NIPBL: variants seen among roughly 807,000 people sequenced by gnomAD.
The protein encoded by NIPBL is nipped-B-like protein.
A neutral mutation model predicts 321.8 loss-of-function variants in NIPBL; 19 were observed. The ratio of observed to expected loss-of-function variants is 0.06; its 90% CI spans 0.04 to 0.09. The LOEUF (loss-of-function observed/expected upper bound fraction) is 0.09. Among genes scored for constraint, NIPBL ranks in the 10% least tolerant of loss-of-function variants. The pLI is 1.00. For synonymous variants in NIPBL, 1,106 were observed against 1,114.1 expected (o/e 0.99, Z 0.14); for missense variants, 2,210 against 3,327.0 (o/e 0.66, Z 8.26).
intron 1 of NIPBL, among the ~76,000 whole-genome samples, chr5:36,883,966 C>G (rs1415022812): frequency 1.3e-5 from 2 of 151,756 alleles, no homozygotes; most frequent in Admixed American, 6.6e-5. Context: ...CTGCGTATAC[C>G]TCAGAAAGCT....
chr5:37,019,546 CA>C (rs1749388354), intron 25 of NIPBL, 146 bp downstream of exon 25: 1 of 676,248 alleles, frequency 1.5e-6, no homozygotes, highest in Admixed American at 2.1e-5. Flanking sequence ...ATAATCTAAA[CA>C]GAAAAGAATG....
chr5:36,987,554 CATATT>C (rs1275926813), intron 10 of NIPBL, among the ~76,000 whole-genome samples: 18 of 152,262 alleles, frequency 1.2e-4, no homozygotes, highest in African/African-American at 2.9e-4. Context: ...TCTTTGAAAA[CATATT>C]ATAAAGAACT....
intron 6 of NIPBL, among the ~76,000 whole-genome samples, chr5:36,968,117 A>G (rs1347348097): frequency 6.6e-6 from 1 of 151,192 alleles, no homozygotes; most frequent in Non-Finnish European, 1.5e-5. Context: ...AAAAACAAAA[A>G]ACAAAAAACG....
Position 37,016,990 on chromosome 5 carries a change from A to G in NIPBL, c.4777-29A>G, listed in dbSNP as rs761239246. The G allele has an allele frequency of 1.1e-4, 161 of 1,434,466 alleles. No homozygotes were observed. In the East Asian group the frequency reaches 3.6e-3, roughly 32 times the overall value. 88.9% of individuals were successfully genotyped at this position (1,434,466 alleles called of 1,614,324 possible). On this transcript the variant is annotated intron_variant, in intron 23 of 46. Coordinates refer to ENST00000282516, the MANE Select transcript of NIPBL (RefSeq NM_133433.4). ...ATTTAAAATATATTGTTATAAATCT[A>G]TTCAATCAAAAACTATTTTGATATT...
chr5:36,943,827 T>C (rs1295874878), intron 1 of NIPBL, among the ~76,000 whole-genome samples: 1 of 152,138 alleles, frequency 6.6e-6, no homozygotes, highest in Non-Finnish European at 1.5e-5. Context: ...TGTGTTGTTC[T>C]GGAAGACAAA....
intron 1 of NIPBL, among the ~76,000 whole-genome samples, chr5:36,945,984 T>C (rs1475919215): frequency 2.6e-5 from 4 of 152,182 alleles, no homozygotes; most frequent in African/African-American, 7.2e-5. Context: ...TGTGTAGCTA[T>C]TTAGCATTTA....
chr5:36,919,043 A>T (rs1253696751), intron 1 of NIPBL, among the ~76,000 whole-genome samples: 1 of 152,122 alleles, frequency 6.6e-6, no homozygotes, highest in Non-Finnish European at 1.5e-5. Flanking sequence ...GCCTCCTAAA[A>T]TAAATTAGGG....
At chr5:36,970,805 T>C (rs1742769286) in intron 6 of NIPBL, 71 bp from the exon 7 acceptor site, 2 of 1,304,204 alleles carry the variant, frequency 1.5e-6, no homozygotes, top group South Asian at 2.5e-5. Flanking sequence ...AAAATATTTG[T>C]GAATAATTAC....
At chr5:36,953,476 T>C (rs1740629035) in intron 1 of NIPBL, 142 bp from the exon 2 acceptor site, 2 of 585,638 alleles carry the variant, frequency 3.4e-6, no homozygotes, top group Non-Finnish European at 6.1e-6. Flanking sequence ...GCTTAACATG[T>C]AATAAGTGGT....
At position 36,937,056 on chromosome 5, in the gene NIPBL, A is replaced by G. The variant is rs985457411; in HGVS notation, c.-79-16562A>G. On this transcript the variant is annotated intron_variant, in intron 1 of 46. Coordinates refer to ENST00000282516, the MANE Select transcript of NIPBL (RefSeq NM_133433.4). ...AAAATATTACCCAGAAGTTTTATCAATTTTTTGGCTTTCAGCTCCTGAAAC... is the reference window on the plus strand; with the variant it reads ...AAAATATTACCCAGAAGTTTTATCAGTTTTTTGGCTTTCAGCTCCTGAAAC... Among the ~76,000 whole-genome samples the G allele has an allele frequency of 2.6e-5, 4 of 152,216 alleles. No homozygotes were observed. The East Asian group carries it at 7.7e-4, about 29-fold the overall frequency.
chr5:36,946,543 AGTGT>A (rs551130099), intron 1 of NIPBL, among the ~76,000 whole-genome samples: 4 of 150,732 alleles, frequency 2.7e-5, no homozygotes, highest in Non-Finnish European at 5.9e-5. Flanking sequence ...GCTCAAAAAC[AGTGT>A]GTGTGTGTGT....
chr5:37,026,531 A>G (rs1302456770), intron 31 of NIPBL, among the ~76,000 whole-genome samples: 2 of 152,174 alleles, frequency 1.3e-5, no homozygotes, highest in Admixed American at 6.5e-5. Context: ...ACTTCTTGGC[A>G]TTAATTGATG....
chr5:36,980,693 A>C (rs1211683625), intron 9 of NIPBL, among the ~76,000 whole-genome samples: 1 of 151,668 alleles, frequency 6.6e-6, no homozygotes, highest in Non-Finnish European at 1.5e-5. Context: ...ATGTGAATAT[A>C]CTATATGATG....
intron 1 of NIPBL, among the ~76,000 whole-genome samples, chr5:36,887,222 C>T (rs925484036): frequency 5.3e-5 from 8 of 152,254 alleles, no homozygotes; most frequent in African/African-American, 7.2e-5. Context: ...AATAGACCTA[C>T]TCTCTTTTTC....
At chr5:36,913,292 G>A (rs1203452044) in intron 1 of NIPBL, among the ~76,000 whole-genome samples, 1 of 151,968 alleles carries the variant, frequency 6.6e-6, no homozygotes, top group African/African-American at 2.4e-5. Context: ...AAAAAAGTAT[G>A]TGTAAAGTGA....
chr5:36,928,084 A>G (rs1431770522), intron 1 of NIPBL, among the ~76,000 whole-genome samples: 1 of 152,172 alleles, frequency 6.6e-6, no homozygotes, highest in African/African-American at 2.4e-5. Context: ...AAGCTTTGCA[A>G]CTAACTTTGA....
At chr5:37,016,963 C>G in intron 23 of NIPBL, 56 bp from the exon 24 acceptor site, 1 of 1,145,374 alleles carries the variant, frequency 8.7e-7, no homozygotes, top group Non-Finnish European at 1.2e-6. Context: ...TGATAAATTG[C>G]TATTTAAAAT....
intron 1 of NIPBL, among the ~76,000 whole-genome samples, chr5:36,909,951 C>T (rs994523481): frequency 3.9e-5 from 6 of 152,014 alleles, no homozygotes; most frequent in African/African-American, 1.5e-4. Context: ...TGGTGCACAC[C>T]TGTAGTCCCA....
chr5:36,912,271 AAGTT>A (rs1561377209), intron 1 of NIPBL, among the ~76,000 whole-genome samples: 3 of 152,166 alleles, frequency 2.0e-5, no homozygotes, highest in Non-Finnish European at 2.9e-5. Flanking sequence ...GCTGACACCT[AAGTT>A]AGAGAAGGAA....
Sources: allele counts gnomAD v4.1 joint callset (sites outside exome capture counted in the v4.1 genomes callset), GRCh38; gene constraint gnomAD v4.1.1; transcripts MANE v1.5; gene names NCBI Gene and HGNC (gene_info 2026-07-23, HGNC 2026-07-21).